The following HFM1 variants were observed in gnomAD, a reference collection of about 807,000 sequenced individuals.
HFM1 encodes helicase for meiosis 1, also known as probable ATP-dependent DNA helicase HFM1.
Under a neutral mutation model 192.1 loss-of-function variants are expected in HFM1, and 169 were observed. That is an observed-to-expected ratio of 0.88 (90% CI 0.78 to 1.00). The LOEUF (loss-of-function observed/expected upper bound fraction) is 1.00. Among genes scored for constraint, HFM1 ranks in the 50% least tolerant of loss-of-function variants. The probability of loss-of-function intolerance (pLI) is 0.00; values close to 1 mark genes in which losing one functional copy is unlikely to be tolerated. For synonymous variants in HFM1, 525 were observed against 537.8 expected, an observed-to-expected ratio of 0.98 and a Z score of 0.33; for missense variants, 1,661 against 1,668.0, an observed-to-expected ratio of 1.00 and a Z score of 0.07.
chr1:91,345,185 A>C (rs530246004), intron 19 of HFM1, among the ~76,000 whole-genome samples: 5 of 152,320 alleles, frequency 3.3e-5, no homozygotes, highest in African/African-American at 1.2e-4. Flanking sequence ...TCTTCCTCTC[A>C]GTAAGATACC....
At position 91,319,163 on chromosome 1, in the gene HFM1, TAGTAC is replaced by T; in HGVS notation, c.2722_2726del (p.Val908IlefsTer3). 1.9e-6 allele frequency: 3 copies of T among 1,611,152 alleles called. No homozygotes were observed. The highest frequency in any genetic ancestry group is 2.5e-6 in the Non-Finnish European group (3 of 1,179,088). ...ATTTAGCTAAAATCAAACTATTCAA[TAGTAC>T]AGCAAACTTCTTTTCTTGAGCAGCT... On this transcript the variant is annotated frameshift_variant, in exon 25 of 39. Coordinates refer to ENST00000370425, the MANE Select transcript of HFM1 (RefSeq NM_001017975.6). LOFTEE classifies it high-confidence loss of function.
At chr1:91,328,839 T>C in intron 20 of HFM1, 19 of 1,611,164 alleles carry the variant, frequency 1.2e-5, no homozygotes, top group Middle Eastern at 3.4e-4. Flanking sequence ...ATCCCTTACC[T>C]TGATGCACCC....
intron 30 of HFM1, among the ~76,000 whole-genome samples, chr1:91,305,966 C>T (rs1649543918): frequency 6.6e-6 from 1 of 152,158 alleles, no homozygotes; most frequent in South Asian, 2.1e-4. Context: ...CATTCTCCAA[C>T]TCAATAGGAA....
chr1:91,311,260 G>A (rs1448824748), intron 30 of HFM1, among the ~76,000 whole-genome samples: 2 of 152,048 alleles, frequency 1.3e-5, no homozygotes, highest in South Asian at 2.1e-4. Flanking sequence ...GATGATTTAG[G>A]GCATCTGGTG....
chr1:91,326,253 A>C (rs1016445366), intron 20 of HFM1, among the ~76,000 whole-genome samples: 3 of 152,198 alleles, frequency 2.0e-5, no homozygotes, highest in Admixed American at 6.5e-5. Context: ...TCAACATTCA[A>C]GTAAAAGAAG....
At chr1:91,370,440 G>A (rs947495228) in intron 13 of HFM1, among the ~76,000 whole-genome samples, 10 of 152,116 alleles carry the variant, frequency 6.6e-5, no homozygotes, top group African/African-American at 1.4e-4. Flanking sequence ...TTCAACACAC[G>A]AAAATCAATA....
At chr1:91,285,361 G>A (rs1667860381) in intron 30 of HFM1, among the ~76,000 whole-genome samples, 2 of 152,098 alleles carry the variant, frequency 1.3e-5, no homozygotes, top group Admixed American at 1.3e-4. Context: ...CAACTTGAAA[G>A]CATATTTGGA....
intron 15 of HFM1, 70 bp downstream of exon 15, chr1:91,352,981 T>G: frequency 1.0e-6 from 1 of 994,976 alleles, no homozygotes; most frequent in Non-Finnish European, 1.5e-6. Context: ...TTGCGCTTTT[T>G]CCTTTTTTCC....
intron 13 of HFM1, among the ~76,000 whole-genome samples, chr1:91,367,158 C>T (rs1233986900): frequency 6.6e-6 from 1 of 152,218 alleles, no homozygotes; most frequent in Non-Finnish European, 1.5e-5. Context: ...GGCTCCCTGC[C>T]TCTGTAGACT....
chr1:91,303,008 CTTAA>C (rs1037563341), intron 30 of HFM1, among the ~76,000 whole-genome samples: 4 of 152,108 alleles, frequency 2.6e-5, no homozygotes, highest in African/African-American at 9.7e-5. Context: ...TTTTAAATTT[CTTAA>C]TTAAATTATA....
At chr1:91,375,873 T>A in intron 11 of HFM1, 146 bp from the exon 12 acceptor site, 1 of 636,288 alleles carries the variant, frequency 1.6e-6, no homozygotes, top group South Asian at 2.0e-5. Context: ...CATATTCCAT[T>A]AATATTATTC....
chr1:91,277,874 A>T (rs1231731448), intron 30 of HFM1, among the ~76,000 whole-genome samples: 1 of 108,768 alleles, frequency 9.2e-6, no homozygotes, highest in Non-Finnish European at 1.7e-5. Flanking sequence ...TATATATATA[A>T]TATATACTTA....
intron 20 of HFM1, among the ~76,000 whole-genome samples, chr1:91,338,463 C>T (rs1190365782): frequency 6.6e-6 from 1 of 152,224 alleles, no homozygotes; most frequent in Non-Finnish European, 1.5e-5. Flanking sequence ...AGTGTGGCCT[C>T]AGTTGCCCAA....
chr1:91,318,421 T>C (rs964791759), intron 25 of HFM1, among the ~76,000 whole-genome samples: 6 of 152,206 alleles, frequency 3.9e-5, no homozygotes, highest in African/African-American at 1.4e-4. Flanking sequence ...AACAAGGCTG[T>C]CAGTGATGAG....
intron 21 of HFM1, among the ~76,000 whole-genome samples, chr1:91,323,487 G>A (rs1171519854): frequency 6.6e-6 from 1 of 152,084 alleles, no homozygotes; most frequent in Non-Finnish European, 1.5e-5. Context: ...ATCTAGCCCA[G>A]TGCCTATCAC....
chr1:91,311,290 A>C (rs1650404442), intron 30 of HFM1, among the ~76,000 whole-genome samples: 2 of 152,202 alleles, frequency 1.3e-5, no homozygotes, highest in Admixed American at 1.3e-4. Context: ...TCTAAGCAGC[A>C]AAGCATTCAA....
At chr1:91,373,736 C>G (rs1254571856) in intron 13 of HFM1, among the ~76,000 whole-genome samples, 1 of 151,972 alleles carries the variant, frequency 6.6e-6, no homozygotes, top group African/African-American at 2.4e-5. Context: ...CAAGGCCTCA[C>G]CAGAAGCCGA....
intron 6 of HFM1, among the ~76,000 whole-genome samples, chr1:91,383,732 A>G (rs1661831717): frequency 6.6e-6 from 1 of 152,190 alleles, no homozygotes; most frequent in South Asian, 2.1e-4. Context: ...CACTAATTAT[A>G]TATTCCTAAA....
chr1:91,326,464 A>G (rs1427415387), intron 20 of HFM1, among the ~76,000 whole-genome samples: 2 of 152,186 alleles, frequency 1.3e-5, no homozygotes, highest in African/African-American at 2.4e-5. Flanking sequence ...GACATATTTA[A>G]AGTGCTAAAG....
Sources: gnomAD v4.1 joint callset for allele counts (sites outside exome capture counted in the v4.1 genomes callset) on GRCh38, gnomAD v4.1.1 for gene constraint, MANE v1.5 for transcripts, NCBI Gene and HGNC (gene_info 2026-07-23, HGNC 2026-07-21) for gene names.